The following ABCA13 variants were observed in gnomAD, a reference collection of about 807,000 sequenced individuals.
ABCA13 encodes ATP binding cassette subfamily A member 13.
In ABCA13, 476 loss-of-function variants were observed where a neutral mutation model predicts 478.7. The observed-to-expected ratio is 0.99, with a 90% CI of 0.92 to 1.07. The LOEUF (loss-of-function observed/expected upper bound fraction) is 1.07. Ranked by LOEUF, ABCA13 falls within the 50% of genes least tolerant of loss-of-function variation. The pLI is 0.00. For missense variants in ABCA13, 6,060 were observed against 5,910.6 expected (o/e 1.03, Z -0.83); for synonymous variants, 2,252 against 2,158.9 (o/e 1.04, Z -1.20).
intron 48 of ABCA13, among the ~76,000 whole-genome samples, chr7:48,494,254 T>A (rs1308665527): frequency 6.6e-6 from 1 of 152,126 alleles, no homozygotes; most frequent in East Asian, 1.9e-4. Flanking sequence ...TTTCCTGCTT[T>A]GCTTTTGATG....
intron 27 of ABCA13, among the ~76,000 whole-genome samples, chr7:48,333,378 A>AT (rs1427232846): frequency 1.3e-5 from 2 of 152,286 alleles, no homozygotes; most frequent in African/African-American, 2.4e-5. Context: ...TTGTTGAAGC[A>AT]TTTTTTAAAT....
chr7:48,338,199 A>G lies in ABCA13; in HGVS notation c.10114-166A>G, dbSNP rs996973710. Among the ~76,000 whole-genome samples the G allele has an allele frequency of 1.5e-4, 23 of 152,318 alleles. No homozygotes were observed. The Middle Eastern group carries it at 0.01, about 68-fold the overall frequency. On this transcript the variant is annotated intron_variant, in intron 28 of 61. Transcript: ENST00000435803. ...TGTTTTTCAAGGTAAGCTTCTAATA[A>G]GATATTATCCTGTTATTTATTGTGG...
chr7:48,380,299 T>C (rs1814146370), intron 35 of ABCA13, among the ~76,000 whole-genome samples: 1 of 152,228 alleles, frequency 6.6e-6, no homozygotes, highest in South Asian at 2.1e-4. Flanking sequence ...TTAAAAGCAA[T>C]CTTCACATCT....
At chr7:48,206,761 C>A (rs1784980050) in intron 3 of ABCA13, among the ~76,000 whole-genome samples, 1 of 151,068 alleles carries the variant, frequency 6.6e-6, no homozygotes, top group Admixed American at 6.6e-5. Context: ...GGATATCCAT[C>A]ATCTAAAGTA....
chr7:48,251,999 G>A (rs138255978), intron 15 of ABCA13, among the ~76,000 whole-genome samples: 124 of 152,200 alleles, frequency 8.1e-4, no homozygotes, highest in African/African-American at 3.0e-3. Flanking sequence ...AGGTGGCTTC[G>A]TATGGGTCTC....
At chr7:48,478,337 C>T (rs1468235717) in intron 45 of ABCA13, among the ~76,000 whole-genome samples, 2 of 146,830 alleles carry the variant, frequency 1.4e-5, no homozygotes, top group African/African-American at 5.0e-5. Flanking sequence ...TATGGAAAGG[C>T]TAAATCCAGC....
intron 3 of ABCA13, among the ~76,000 whole-genome samples, chr7:48,206,686 C>T (rs7776850): frequency 0.2 from 30,736 of 151,664 alleles, 3,363 homozygotes; most frequent in Middle Eastern, 0.26. Flanking sequence ...TTTTATATAT[C>T]TCTGAGGTAT....
At chr7:48,572,145 A>G (rs1201834034) in intron 55 of ABCA13, among the ~76,000 whole-genome samples, 1 of 152,250 alleles carries the variant, frequency 6.6e-6, no homozygotes, top group East Asian at 1.9e-4. Context: ...GTGCCAATGC[A>G]TTCCAGCCTG....
chr7:48,392,180 C>T, intron 38 of ABCA13, 41 bp downstream of exon 38: 2 of 1,573,404 alleles, frequency 1.3e-6, no homozygotes, highest in Non-Finnish European at 1.7e-6. Context: ...TGCCTCTGCC[C>T]ATTGTGTAAG....
chr7:48,588,309 A>G (rs1174084432), intron 57 of ABCA13, among the ~76,000 whole-genome samples: 1 of 152,206 alleles, frequency 6.6e-6, no homozygotes, highest in Admixed American at 6.5e-5. Context: ...ATTACATTTT[A>G]TTTTCAACAT....
chr7:48,232,999 A>G (rs543991110), intron 7 of ABCA13, among the ~76,000 whole-genome samples: 11 of 152,354 alleles, frequency 7.2e-5, no homozygotes, highest in South Asian at 6.2e-4. Flanking sequence ...CCTCTTCAAC[A>G]TACAATAAAT....
chr7:48,247,230 C>G (rs1407085935), intron 13 of ABCA13, among the ~76,000 whole-genome samples: 3 of 150,732 alleles, frequency 2.0e-5, no homozygotes, highest in Admixed American at 6.6e-5. Flanking sequence ...AATGTGAGAC[C>G]CTATTAAAAA....
chr7:48,443,758 C>A (rs1190709890), intron 42 of ABCA13, among the ~76,000 whole-genome samples: 1 of 152,208 alleles, frequency 6.6e-6, no homozygotes, highest in African/African-American at 2.4e-5. Context: ...CCTCGTGCCT[C>A]CGGTTCCTCC....
chr7:48,579,173 A>G (rs953781845), intron 55 of ABCA13, among the ~76,000 whole-genome samples: 12 of 152,254 alleles, frequency 7.9e-5, no homozygotes, highest in African/African-American at 2.7e-4. Context: ...CCTGCAAAAG[A>G]CACTGTTAAG....
intron 44 of ABCA13, among the ~76,000 whole-genome samples, chr7:48,468,334 A>T (rs2130214646): frequency 6.6e-6 from 1 of 152,276 alleles, no homozygotes; most frequent in East Asian, 1.9e-4. Context: ...CAGCCTGCAG[A>T]TCAGCCTCAT....
At chr7:48,568,413 T>A (rs554269266) in intron 55 of ABCA13, among the ~76,000 whole-genome samples, 3 of 152,214 alleles carry the variant, frequency 2.0e-5, no homozygotes, top group South Asian at 4.1e-4. Flanking sequence ...ATTGGTAGAA[T>A]CAACAAATAA....
At chr7:48,464,048 T>G (rs1034233033) in intron 43 of ABCA13, among the ~76,000 whole-genome samples, 1 of 152,168 alleles carries the variant, frequency 6.6e-6, no homozygotes, top group Non-Finnish European at 1.5e-5. Context: ...GCACAATAAA[T>G]TTTAAGAGAT....
chr7:48,180,372 A>G (rs1293431178), intron 1 of ABCA13, among the ~76,000 whole-genome samples: 1 of 152,154 alleles, frequency 6.6e-6, no homozygotes, highest in Non-Finnish European at 1.5e-5. Flanking sequence ...TGGTAACTCA[A>G]TTATCCTAAC....
chr7:48,412,624 T>C, intron 41 of ABCA13, 41 bp downstream of exon 41: 2 of 1,510,200 alleles, frequency 1.3e-6, no homozygotes, highest in Non-Finnish European at 1.8e-6. Context: ...ATTTATGCCT[T>C]TTTGACCAGT....
Sources: gnomAD v4.1 joint callset for allele counts (sites outside exome capture counted in the v4.1 genomes callset) on GRCh38, gnomAD v4.1.1 for gene constraint, MANE v1.5 for transcripts, NCBI Gene and HGNC (gene_info 2026-07-23, HGNC 2026-07-21) for gene names.